Variants in OCIAD2 observed in about 807,000 individuals in gnomAD.
OCIAD2 encodes the protein OCIA domain-containing protein 2.
In OCIAD2, 29 loss-of-function variants were observed where a neutral mutation model predicts 22.9. The observed-to-expected ratio is 1.27, with a 90% CI of 0.94 to 1.73. The LOEUF is 1.73. Among genes scored for constraint, OCIAD2 ranks in the 40% most tolerant of loss-of-function variants. OCIAD2 has a pLI of 0.00. For synonymous variants in OCIAD2, 67 were observed against 60.2 expected, an observed-to-expected ratio of 1.11 and a Z score of -0.52; for missense variants, 189 against 180.3, an observed-to-expected ratio of 1.05 and a Z score of -0.28.
At chr4:48,886,547 GT>G (rs1780995294) in intron 6 of OCIAD2, among the ~76,000 whole-genome samples, 1 of 142,420 alleles carries the variant, frequency 7.0e-6, no homozygotes, top group Non-Finnish European at 1.5e-5. Context: ...GTGTTCAAGT[GT>G]TCTCATTGTT....
intron 1 of OCIAD2, among the ~76,000 whole-genome samples, chr4:48,904,982 G>T (rs1579161159): frequency 1.3e-5 from 2 of 152,178 alleles, no homozygotes. Flanking sequence ...TGCTAAGGAA[G>T]AAAAGAAAGC....
chr4:48,901,560 G>C (rs1057234541), intron 2 of OCIAD2, among the ~76,000 whole-genome samples: 1 of 152,136 alleles, frequency 6.6e-6, no homozygotes, highest in Non-Finnish European at 1.5e-5. Context: ...TTATTATCCT[G>C]TTTGTACTTC....
At chr4:48,905,480 G>A (rs1781505210) in intron 1 of OCIAD2, among the ~76,000 whole-genome samples, 1 of 151,904 alleles carries the variant, frequency 6.6e-6, no homozygotes, top group East Asian at 1.9e-4. Context: ...TGATACAGAG[G>A]GGAGGGAATT....
chr4:48,898,878 T>C (rs1409592561), intron 3 of OCIAD2, among the ~76,000 whole-genome samples: 1 of 152,142 alleles, frequency 6.6e-6, no homozygotes, highest in African/African-American at 2.4e-5. Flanking sequence ...CTCTTTCTAG[T>C]TCAACAAAGA....
chr4:48,902,448 T>G lies in OCIAD2; in HGVS notation c.66+2036A>C, dbSNP rs781738860. ...ATGGGCAACCTCCCTCTTCTTTCCC[T>G]GCAACTCCCCAAGGCACAGTGCAAA... On this transcript the variant is annotated intron_variant, in intron 2 of 6. Transcript: ENST00000508632. 1.4e-4 allele frequency among the ~76,000 whole-genome samples: 21 copies of G among 152,202 alleles called. 1 individual carries two copies. The highest frequency in any genetic ancestry group is 3.2e-3 in the Middle Eastern group (1 of 316).
intron 1 of OCIAD2, among the ~76,000 whole-genome samples, chr4:48,906,289 G>T: frequency 6.6e-6 from 1 of 152,154 alleles, no homozygotes; most frequent in East Asian, 1.9e-4. Context: ...GGGTTCGTGG[G>T]TGCTGACCGA....
At chr4:48,904,384 G>C in intron 2 of OCIAD2, 100 bp downstream of exon 2, 1 of 1,010,874 alleles carries the variant, frequency 9.9e-7, no homozygotes, top group Non-Finnish European at 1.6e-6. Flanking sequence ...AGCAGTTCGA[G>C]ACTGCAGTGA....
rs528518956 is a variant in OCIAD2 at position 48,888,398 on chromosome 4, C to T, written c.384-2833G>A. 1.1e-4 allele frequency among the ~76,000 whole-genome samples: 17 copies of T among 152,324 alleles called. No individual in the cohort carries two copies. In the South Asian group the frequency reaches 3.3e-3, roughly 30 times the overall value. On this transcript the variant is annotated intron_variant, in intron 6 of 6. Coordinates refer to ENST00000508632, the MANE Select transcript of OCIAD2 (RefSeq NM_001014446.3). ...GTTGAATAGGAGTGGTGAGAGAGGG[C>T]ATACCTGTCTTGTGCCAGTTTTCAA...
chr4:48,903,468 T>A (rs1253946149), intron 2 of OCIAD2, among the ~76,000 whole-genome samples: 1 of 151,938 alleles, frequency 6.6e-6, no homozygotes, highest in Non-Finnish European at 1.5e-5. Flanking sequence ...GAGACCCCCA[T>A]CTCTAAAAAA....
intron 4 of OCIAD2, among the ~76,000 whole-genome samples, chr4:48,896,781 A>C (rs932439696): frequency 5.9e-5 from 9 of 152,088 alleles, no homozygotes; most frequent in African/African-American, 1.9e-4. Context: ...TAAAAAAAAA[A>C]ATAGCAAAAT....
intron 2 of OCIAD2, 46 bp from the exon 3 acceptor site, chr4:48,899,971 T>C (rs759681417): frequency 5.7e-6 from 8 of 1,406,022 alleles, no homozygotes; most frequent in Non-Finnish European, 8.0e-6. Context: ...CATTGAAAAA[T>C]CACCCACTTT....
intron 6 of OCIAD2, among the ~76,000 whole-genome samples, chr4:48,885,792 CAAT>C (rs1780969374): frequency 6.6e-6 from 1 of 152,148 alleles, no homozygotes; most frequent in African/African-American, 2.4e-5. Flanking sequence ...GGCTTTAACA[CAAT>C]ATTAGAAATA....
chr4:48,885,887 C>T (rs1170155004), intron 6 of OCIAD2, among the ~76,000 whole-genome samples: 1 of 152,194 alleles, frequency 6.6e-6, no homozygotes, highest in Admixed American at 6.5e-5. Context: ...CCTGTTCACT[C>T]TGAAGGTAGT....
chr4:48,904,637 A>G lies in OCIAD2; in HGVS notation c.-62-26T>C, dbSNP rs1167338669. 4.4e-6 allele frequency: 5 copies of G among 1,148,684 alleles called. No homozygotes were observed. The Admixed American group carries it at 5.1e-5, about 12-fold the overall frequency. The allele number at this position is 1,148,684 out of a possible 1,614,324, so 71.2% of individuals were successfully genotyped here. A position where few individuals can be genotyped will look rare whatever the true frequency, so the allele number is the denominator to read the frequency against. Reference sequence around the variant, plus strand: ...CTAAGGAAGGTAGAAGAGAATCACTATGCCATGACTAAATGTTTGCATCAA... The same window carrying G: ...CTAAGGAAGGTAGAAGAGAATCACTGTGCCATGACTAAATGTTTGCATCAA... On this transcript the variant is annotated intron_variant, in intron 1 of 6. Coordinates refer to ENST00000508632, the MANE Select transcript of OCIAD2 (RefSeq NM_001014446.3).
intron 6 of OCIAD2, among the ~76,000 whole-genome samples, chr4:48,891,761 A>C (rs1267118514): frequency 2.0e-5 from 3 of 152,174 alleles, no homozygotes; most frequent in African/African-American, 4.8e-5. Context: ...GGATGGACTG[A>C]AGTTGGTGTT....
At chr4:48,888,806 G>T (rs555114529) in intron 6 of OCIAD2, among the ~76,000 whole-genome samples, 145 of 151,984 alleles carry the variant, frequency 9.5e-4, no homozygotes, top group Non-Finnish European at 1.9e-3. Flanking sequence ...TCTTTTTTTT[G>T]TTGTGTCTGT....
intron 6 of OCIAD2, among the ~76,000 whole-genome samples, chr4:48,891,286 A>G (rs1293541320): frequency 3.3e-5 from 5 of 152,038 alleles, no homozygotes; most frequent in African/African-American, 1.2e-4. Flanking sequence ...CTCCACCTCA[A>G]CTGAGTTAAG....
At chr4:48,902,336 G>A (rs1781434887) in intron 2 of OCIAD2, among the ~76,000 whole-genome samples, 1 of 152,138 alleles carries the variant, frequency 6.6e-6, no homozygotes, top group Admixed American at 6.5e-5. Flanking sequence ...CTGGTCCTGT[G>A]CCAAGCACTT....
chr4:48,902,957 A>G (rs1185041619), intron 2 of OCIAD2, among the ~76,000 whole-genome samples: 3 of 152,200 alleles, frequency 2.0e-5, no homozygotes, highest in South Asian at 4.1e-4. Flanking sequence ...CATCTCAAAA[A>G]AAAAGGATCT....
Sources: allele counts gnomAD v4.1 joint callset (sites outside exome capture counted in the v4.1 genomes callset), GRCh38; gene constraint gnomAD v4.1.1; transcripts MANE v1.5; gene names NCBI Gene and HGNC (gene_info 2026-07-23, HGNC 2026-07-21).